The following EBF2 variants were observed in gnomAD, a reference collection of about 807,000 sequenced individuals.
The protein encoded by EBF2 is EBF transcription factor 2, also known as transcription factor COE2.
EBF2 carries 21 observed loss-of-function variants against 72.8 expected under a neutral mutation model. The observed-to-expected ratio is 0.29, with a 90% CI of 0.20 to 0.42. EBF2 has a LOEUF of 0.42. EBF2 is among the 10% of genes least tolerant of loss of function. The pLI is 1.00. For synonymous variants in EBF2, 299 were observed against 274.2 expected, an observed-to-expected ratio of 1.09 and a Z score of -0.89; for missense variants, 637 against 731.2, an observed-to-expected ratio of 0.87 and a Z score of 1.49.
intron 6 of EBF2, among the ~76,000 whole-genome samples, chr8:26,016,490 T>C (rs1252375239): frequency 6.6e-6 from 1 of 152,156 alleles, no homozygotes; most frequent in Non-Finnish European, 1.5e-5. Context: ...AATAATACAA[T>C]GGTTACATTA....
At chr8:25,949,517 A>G (rs1803823759) in intron 6 of EBF2, among the ~76,000 whole-genome samples, 3 of 152,180 alleles carry the variant, frequency 2.0e-5, no homozygotes. Flanking sequence ...CTTTCTACCA[A>G]TGCTCAAAAG....
intron 6 of EBF2, among the ~76,000 whole-genome samples, chr8:26,011,600 A>T (rs1403329995): frequency 1.3e-5 from 2 of 152,090 alleles, no homozygotes; most frequent in Non-Finnish European, 2.9e-5. Flanking sequence ...TAAAATGCGG[A>T]TCTGCTTCCC....
chr8:25,848,225 G>A (rs1319736730), intron 15 of EBF2, among the ~76,000 whole-genome samples: 3 of 152,170 alleles, frequency 2.0e-5, no homozygotes, highest in Admixed American at 2.0e-4. Context: ...GGATTCAAAT[G>A]AGGTTTGGGA....
rs1264476660 is a variant in EBF2, at chr8:25,858,310, G to A, written c.1528+9C>T. On this transcript the variant is annotated intron_variant, in intron 14 of 15. Transcript: ENST00000520164. ...GCATGGAGAGCCAAGTGATGGAGAG[G>A]TCACTTACTTCCATAAGGAGAGCCG... is the stretch of plus-strand genomic sequence containing the variant. 9 of 1,613,850 alleles carry A rather than the reference G, an allele frequency of 5.6e-6. No homozygotes were observed. Among genetic ancestry groups the A allele is most frequent in the African/African-American group, 1.3e-5 (1 of 74,906 alleles).
chr8:26,016,386 C>T (rs189197528), intron 6 of EBF2, among the ~76,000 whole-genome samples: 46 of 152,370 alleles, frequency 3.0e-4, no homozygotes, highest in Non-Finnish European at 1.5e-5. Flanking sequence ...TGCAGAACTA[C>T]TCAACCCAGT....
intron 6 of EBF2, among the ~76,000 whole-genome samples, chr8:25,918,172 A>G (rs1005446656): frequency 1.3e-5 from 2 of 152,178 alleles, no homozygotes; most frequent in African/African-American, 4.8e-5. Context: ...TTCTCCTGGC[A>G]TCATTTTCTC....
In EBF2 at chr8:25,987,695, A is replaced by C. The variant is rs141487232; in HGVS notation, c.551+45390T>G. Among the ~76,000 whole-genome samples, 406 of 152,268 alleles carry C rather than the reference A, an allele frequency of 2.7e-3. 2 individuals are homozygous for C. The highest frequency in any genetic ancestry group is 9.3e-3 in the African/African-American group (388 of 41,546). On this transcript the variant is annotated intron_variant, in intron 6 of 15. Transcript: ENST00000520164. ...CCCAGGTCTCCTAACTTCCAGGTTG[A>C]ATGCTTCTGTATCGTGCTACTCTTC...
At chr8:26,024,683 T>C (rs373816450) in intron 6 of EBF2, among the ~76,000 whole-genome samples, 1 of 152,172 alleles carries the variant, frequency 6.6e-6, no homozygotes, top group African/African-American at 2.4e-5. Context: ...AATCTGTGAA[T>C]TAATATCTAT....
chr8:25,966,690 C>T (rs960253925), intron 6 of EBF2, among the ~76,000 whole-genome samples: 20 of 152,186 alleles, frequency 1.3e-4, no homozygotes, highest in Admixed American at 1.3e-3. Flanking sequence ...AAAGACTGAG[C>T]CTGATCTTCC....
In EBF2 at chr8:25,979,968, A is replaced by G. The variant is rs144332524; in HGVS notation, c.551+53117T>C. Among the ~76,000 whole-genome samples the G allele has an allele frequency of 2.9e-3, 443 of 152,304 alleles. 1 individual carries two copies. The highest frequency in any genetic ancestry group is 9.5e-3 in the African/African-American group (393 of 41,558). Reference sequence around the variant, plus strand: ...GTTAAATCATCTCATAGTTTGGCAAAAACTTCTACCTCTGAAAAATGAAAA... The same window carrying G: ...GTTAAATCATCTCATAGTTTGGCAAGAACTTCTACCTCTGAAAAATGAAAA... On this transcript the variant is annotated intron_variant, in intron 6 of 15. Coordinates refer to ENST00000520164, the MANE Select transcript of EBF2 (RefSeq NM_022659.4).
At chr8:25,981,624 C>T (rs766633352) in intron 6 of EBF2, among the ~76,000 whole-genome samples, 2 of 151,898 alleles carry the variant, frequency 1.3e-5, no homozygotes, top group African/African-American at 4.8e-5. Flanking sequence ...GGCAAAATCC[C>T]GTCTCTACTA....
intron 6 of EBF2, among the ~76,000 whole-genome samples, chr8:25,947,995 T>A (rs1314443349): frequency 6.6e-6 from 1 of 152,238 alleles, no homozygotes; most frequent in Non-Finnish European, 1.5e-5. Flanking sequence ...GTTTGATACA[T>A]GGAAGATGCA....
intron 1 of EBF2, among the ~76,000 whole-genome samples, chr8:26,043,395 C>A (rs1316078407): frequency 6.6e-6 from 1 of 152,260 alleles, no homozygotes; most frequent in Non-Finnish European, 1.5e-5. Flanking sequence ...ACTTTTTGAT[C>A]CCGGGAAGGA....
At chr8:25,861,261 C>G in intron 12 of EBF2, 35 bp from the exon 13 acceptor site, 1 of 1,613,770 alleles carries the variant, frequency 6.2e-7, no homozygotes, top group Non-Finnish European at 8.5e-7. Flanking sequence ...GCATTCTATC[C>G]AGCATAAAGT....
intron 10 of EBF2, among the ~76,000 whole-genome samples, chr8:25,883,971 C>A (rs2117286637): frequency 6.6e-6 from 1 of 152,256 alleles, no homozygotes; most frequent in Admixed American, 6.5e-5. Context: ...ATCCTGCATG[C>A]TGGTGTTCCC....
chr8:26,011,904 G>A (rs537937310), intron 6 of EBF2, among the ~76,000 whole-genome samples: 12 of 151,850 alleles, frequency 7.9e-5, no homozygotes, highest in East Asian at 1.9e-4. Flanking sequence ...CCGGGCAAGC[G>A]TCCCCTCCTG....
At position 26,005,257 on chromosome 8, in the gene EBF2, A is replaced by G. The variant is rs185043314; in HGVS notation, c.551+27828T>C. 3.0e-3 allele frequency among the ~76,000 whole-genome samples: 67 copies of G among 22,708 alleles called. 1 individual carries two copies. The highest frequency in any genetic ancestry group is 0.013 in the African/African-American group (61 of 4,832). The allele number at this position is 22,708 out of a possible 152,430, so 14.9% of individuals were successfully genotyped here. A position where few individuals can be genotyped will look rare whatever the true frequency, so the allele number is the denominator to read the frequency against. ...ATGTGATATATATACATTTTATTAT[A>G]TATAATATATAATATATATAATTAT... On this transcript the variant is annotated intron_variant, in intron 6 of 15. Transcript: ENST00000520164.
At chr8:25,916,641 GA>G (rs200970370) in intron 6 of EBF2, among the ~76,000 whole-genome samples, 1 of 150,364 alleles carries the variant, frequency 6.7e-6, no homozygotes, top group South Asian at 2.1e-4. Flanking sequence ...GATAGTAAAA[GA>G]AAAAAAAACC....
intron 7 of EBF2, among the ~76,000 whole-genome samples, chr8:25,904,700 G>A (rs4871958): frequency 0.46 from 70,452 of 151,960 alleles, 17,457 homozygotes; most frequent in East Asian, 0.73. Flanking sequence ...CCATGAGTAT[G>A]CACTCTCTCT....
Sources: gnomAD v4.1 joint callset for allele counts (sites outside exome capture counted in the v4.1 genomes callset) on GRCh38, gnomAD v4.1.1 for gene constraint, MANE v1.5 for transcripts, NCBI Gene and HGNC (gene_info 2026-07-23, HGNC 2026-07-21) for gene names.